The following NRAP variants were observed in gnomAD, a reference collection of about 807,000 sequenced individuals.
NRAP encodes nebulin related anchoring protein.
In NRAP, 189 loss-of-function variants were observed where a neutral mutation model predicts 225.9. The ratio of observed to expected loss-of-function variants is 0.84; its 90% CI spans 0.74 to 0.94. The LOEUF is 0.94. NRAP is among the 40% of genes least tolerant of loss of function. The pLI, the probability that NRAP is intolerant of heterozygous loss-of-function variation, is 0.00. For synonymous variants in NRAP, 769 were observed against 790.7 expected (o/e 0.97, Z 0.46); for missense variants, 2,176 against 2,168.7 (o/e 1.00, Z -0.07).
intron 3 of NRAP, among the ~76,000 whole-genome samples, chr10:113,661,944 G>A (rs1288022982): frequency 1.3e-5 from 2 of 152,194 alleles, no homozygotes; most frequent in Admixed American, 6.5e-5. Context: ...TTCCAACTAC[G>A]TAAGCATTGT....
chr10:113,658,607 G>A (rs12244020), intron 3 of NRAP, among the ~76,000 whole-genome samples: 25,592 of 152,036 alleles, frequency 0.17, 2,523 homozygotes, highest in African/African-American at 0.26. Context: ...TTGGCCGGGC[G>A]CAGTACCTCA....
Position 113,614,876 on chromosome 10 carries a change from A to C in NRAP, c.3149T>G (p.Phe1050Cys). 4 of 1,612,552 alleles carry C rather than the reference A, an allele frequency of 2.5e-6. No homozygotes were observed. The highest frequency in any genetic ancestry group is 3.4e-6 in the Non-Finnish European group (4 of 1,178,546). ...GYKLRLDALP[F>C]QAAKASGEII... The stretch of plus-strand genomic sequence containing the variant: ...TTCACCAGAAGCCTTTGCTGCTTGG[A>C]ATGGAAGGGCATCCAACCTCAGTTT... Residue 1050 changes from phenylalanine to cysteine, a missense_variant, in exon 28 of 42, where the codon TTC (phenylalanine) becomes TGC (cysteine). Around this residue, in one of 3 missense-constraint regions of NRAP, gnomAD observed 1,708 missense variants for 1,695.5 expected, o/e 1.01. Transcript: ENST00000359988.
rs564183220 is a variant in NRAP at position 113,658,500 on chromosome 10, G to A, written c.256-926C>T. ...GACAAAGATTTCTTAAATGTAAAAA[G>A]GACTAATTATAAAAGAAAAAACATC... On this transcript the variant is annotated intron_variant, in intron 3 of 41. Transcript: ENST00000359988. 7.2e-5 allele frequency among the ~76,000 whole-genome samples: 11 copies of A among 152,170 alleles called. No individual in the cohort carries two copies. The South Asian group carries it at 2.3e-3, about 32-fold the overall frequency.
In NRAP at chr10:113,606,381, G is replaced by A. The variant is rs1846969608; in HGVS notation, c.3703-99C>T. On this transcript the variant is annotated intron_variant, in intron 32 of 41. Coordinates refer to ENST00000359988, the MANE Select transcript of NRAP (RefSeq NM_198060.4). ...CAACGATAGTTGAGGAAACACAATA[G>A]CAAAAAACCGTTCATTGTGTCATGG... is the stretch of plus-strand genomic sequence containing the variant. 1.0e-5 allele frequency: 7 copies of A among 701,468 alleles called. No individual in the cohort carries two copies. The Admixed American group carries it at 1.3e-4, about 13-fold the overall frequency. 43.5% of individuals were successfully genotyped at this position (701,468 alleles called of 1,614,324 possible). A position where few individuals can be genotyped will look rare whatever the true frequency, so the allele number is the denominator to read the frequency against.
rs749372164 is a variant in NRAP, at chr10:113,595,746, C to T, written c.4432-19G>A. On this transcript the variant is annotated intron_variant, in intron 37 of 41. Coordinates refer to ENST00000359988, the MANE Select transcript of NRAP (RefSeq NM_198060.4). ...ACATGCGCTGTAGATAAGATGGGCT[C>T]ATGGTAAATAGAGAACTGTGTGGGC... The T allele has an allele frequency of 1.3e-6, 2 of 1,522,618 alleles. No homozygotes were observed. Among genetic ancestry groups the T allele is most frequent in the South Asian group, 1.1e-5 (1 of 88,858 alleles). 94.3% of individuals were successfully genotyped at this position (1,522,618 alleles called of 1,614,324 possible).
chr10:113,614,041 C>T (rs1847488488), intron 29 of NRAP, 142 bp downstream of exon 29: 1 of 658,894 alleles, frequency 1.5e-6, no homozygotes, highest in Non-Finnish European at 2.8e-6. Flanking sequence ...CCAGAGGGGA[C>T]AAGTGATTTA....
intron 12 of NRAP, among the ~76,000 whole-genome samples, chr10:113,642,425 T>C (rs1223754473): frequency 1.3e-5 from 2 of 152,208 alleles, no homozygotes; most frequent in Non-Finnish European, 2.9e-5. Flanking sequence ...TACTATCTAG[T>C]ATAGGTCTTT....
In NRAP at chr10:113,589,044, C is replaced by CTGA; in HGVS notation, c.5121_5123dup (p.His1707dup). The CTGA allele has an allele frequency of 6.2e-7, 1 of 1,614,102 alleles. No homozygotes were observed. The highest frequency in any genetic ancestry group is 8.5e-7 in the Non-Finnish European group (1 of 1,180,020). ...TGGCATCTGGGTTCACCTCCCCACT[C>CTGA]TGATGATCTCCAGCCTCCACTGCTT... On this transcript the variant is annotated inframe_insertion, in exon 42 of 42. Transcript: ENST00000359988.
intron 11 of NRAP, among the ~76,000 whole-genome samples, chr10:113,644,276 A>G (rs1849376751): frequency 6.6e-6 from 1 of 151,896 alleles, no homozygotes; most frequent in South Asian, 2.1e-4. Flanking sequence ...TAGATACTTT[A>G]CTTTTCCAGG....
At chr10:113,605,332 G>A (rs750685306) in intron 34 of NRAP, among the ~76,000 whole-genome samples, 6 of 152,208 alleles carry the variant, frequency 3.9e-5, no homozygotes, top group South Asian at 2.1e-4. Context: ...AGCTATGGAC[G>A]TTATCAACAG....
chr10:113,645,942 C>T lies in NRAP; in HGVS notation c.994-1G>A. 3 of 1,454,590 alleles carry T rather than the reference C, an allele frequency of 2.1e-6. No individual in the cohort carries two copies. The highest frequency in any genetic ancestry group is 2.8e-6 in the Non-Finnish European group (3 of 1,077,502). 90.1% of individuals were successfully genotyped at this position (1,454,590 alleles called of 1,614,324 possible). A position where few individuals can be genotyped will look rare whatever the true frequency, so the allele number is the denominator to read the frequency against. ...TATTGAAGTCCTGCCTGTATTTTATCTGAAAAAAAAAACACAAAACGGGGC... is the reference window on the plus strand; with the variant it reads ...TATTGAAGTCCTGCCTGTATTTTATTTGAAAAAAAAAACACAAAACGGGGC... On this transcript the variant is annotated splice_acceptor_variant, in intron 10 of 41. Transcript: ENST00000359988. LOFTEE classifies it high-confidence loss of function.
chr10:113,615,698 T>C lies in NRAP; in HGVS notation c.3078+14A>G. On this transcript the variant is annotated intron_variant, in intron 27 of 41. Coordinates refer to ENST00000359988, the MANE Select transcript of NRAP (RefSeq NM_198060.4). The stretch of plus-strand genomic sequence containing the variant: ...TCCCGTCATTAAAACTCGTGCCCCT[T>C]GGGTCAGCCTCACCTCACTGATATT... 1 of 1,498,142 alleles carries C rather than the reference T, an allele frequency of 6.7e-7. No homozygotes were observed. Among genetic ancestry groups the C allele is most frequent in the Non-Finnish European group, 9.3e-7 (1 of 1,074,284 alleles). The allele number at this position is 1,498,142 out of a possible 1,614,324, so 92.8% of individuals were successfully genotyped here.
chr10:113,645,760 C>T (rs912037307), intron 11 of NRAP, 65 bp downstream of exon 11: 5 of 842,300 alleles, frequency 5.9e-6, no homozygotes, highest in South Asian at 1.6e-5. Context: ...AGGGTCACCT[C>T]ATTCACTGAC....
At chr10:113,612,186 G>A (rs902064798) in intron 30 of NRAP, 48 bp downstream of exon 30, 2 of 1,499,164 alleles carry the variant, frequency 1.3e-6, no homozygotes, top group Non-Finnish European at 1.9e-6. Context: ...ACCACCCTGA[G>A]GTCCTAAGAG....
intron 3 of NRAP, among the ~76,000 whole-genome samples, chr10:113,662,364 A>G (rs952724236): frequency 6.6e-6 from 1 of 152,104 alleles, no homozygotes; most frequent in Admixed American, 6.6e-5. Flanking sequence ...TATTCTAGCT[A>G]TTTTGAAATA....
At chr10:113,607,297 G>T (rs544961093) in intron 32 of NRAP, among the ~76,000 whole-genome samples, 1 of 150,704 alleles carries the variant, frequency 6.6e-6, no homozygotes, top group African/African-American at 2.4e-5. Context: ...AGGTACTCAG[G>T]AGGCTGAGAC....
At chr10:113,606,436 A>C (rs1846973487) in intron 32 of NRAP, among the ~76,000 whole-genome samples, 154 bp from the exon 33 acceptor site, 1 of 152,256 alleles carries the variant, frequency 6.6e-6, no homozygotes, top group Non-Finnish European at 1.5e-5. Flanking sequence ...GAAGATGTTT[A>C]TTTCAATAAA....
At chr10:113,661,927 T>G (rs1277901333) in intron 3 of NRAP, among the ~76,000 whole-genome samples, 25 of 152,224 alleles carry the variant, frequency 1.6e-4, no homozygotes. Flanking sequence ...AAGATCCTTG[T>G]AATATGTTCC....
chr10:113,640,126 C>A (rs1348805734), intron 14 of NRAP, 101 bp downstream of exon 14: 1 of 681,720 alleles, frequency 1.5e-6, no homozygotes, highest in Non-Finnish European at 2.6e-6. Context: ...CTCTTATGAA[C>A]TGTTGTATCA....
Sources: allele counts gnomAD v4.1 joint callset (sites outside exome capture counted in the v4.1 genomes callset), GRCh38; gene constraint gnomAD v4.1.1; regional missense constraint gnomAD v4.1.1; transcripts MANE v1.5; gene names NCBI Gene and HGNC (gene_info 2026-07-23, HGNC 2026-07-21).